The following CLDN1 variants were observed in gnomAD, a reference collection of about 807,000 sequenced individuals.
The protein encoded by CLDN1 is claudin 1.
CLDN1 carries 12 observed loss-of-function variants against 22.6 expected under a neutral mutation model. That is an observed-to-expected ratio of 0.53 (90% CI 0.34 to 0.86). CLDN1 has a LOEUF of 0.86. Among genes scored for constraint, CLDN1 ranks in the 40% least tolerant of loss-of-function variants. The pLI is 0.02. For missense variants in CLDN1, 250 were observed against 269.5 expected (o/e 0.93, Z 0.51); for synonymous variants, 99 against 103.8 (o/e 0.95, Z 0.28).
intron 1 of CLDN1, among the ~76,000 whole-genome samples, chr3:190,315,895 A>G (rs1035906563): frequency 6.6e-6 from 1 of 152,192 alleles, no homozygotes; most frequent in African/African-American, 2.4e-5. Context: ...TCTCCCAGGC[A>G]AGGAACACAT....
Position 190,317,721 on chromosome 3 carries a change from T to C in CLDN1, c.223+4263A>G, listed in dbSNP as rs145330615. Among the ~76,000 whole-genome samples the C allele has an allele frequency of 6.5e-3, 985 of 152,332 alleles. 14 individuals are homozygous for C. Among genetic ancestry groups the C allele is most frequent in the African/African-American group, 0.023 (956 of 41,576 alleles). On this transcript the variant is annotated intron_variant, in intron 1 of 3. Transcript: ENST00000295522. ...GTAACTAAATCTGCACATGCTCAAG[T>C]CCTACAGTTGATCCTGTGGAAGCCT...
At chr3:190,312,830 G>T in intron 2 of CLDN1, 42 bp downstream of exon 2, 1 of 1,604,782 alleles carries the variant, frequency 6.2e-7, no homozygotes, top group Non-Finnish European at 8.5e-7. Context: ...ATCATACCAG[G>T]AACAGGTTAG....
chr3:190,311,276 GCACTTCATA>G (rs1035202430), intron 2 of CLDN1, among the ~76,000 whole-genome samples: 1 of 152,166 alleles, frequency 6.6e-6, no homozygotes, highest in African/African-American at 2.4e-5. Context: ...CGTCTTCCAA[GCACTTCATA>G]CACTTCATGC....
intron 2 of CLDN1, among the ~76,000 whole-genome samples, chr3:190,311,321 C>T (rs961903329): frequency 5.3e-5 from 8 of 152,162 alleles, no homozygotes; most frequent in Non-Finnish European, 8.8e-5. Context: ...GATTACTATT[C>T]GCAGCCTTTG....
rs911023397 is a variant in CLDN1 at position 190,305,784 on chromosome 3, C to A, written c.*2493G>T. ...TTCCTATTATAAAACCCCAAAATGT[C>A]TATTGGTCTGTTTCCAGGTGTGGTA... On this transcript the variant is annotated 3_prime_UTR_variant, in exon 4 of 4. Coordinates refer to ENST00000295522, the MANE Select transcript of CLDN1 (RefSeq NM_021101.5). 1 of 152,260 alleles carries A rather than the reference C, an allele frequency of 6.6e-6. No homozygotes were observed. Among genetic ancestry groups the A allele is most frequent in the Non-Finnish European group, 1.5e-5 (1 of 68,008 alleles). The allele number at this position is 152,260 out of a possible 1,614,324, so 9.4% of individuals were successfully genotyped here. A position where few individuals can be genotyped will look rare whatever the true frequency, so the allele number is the denominator to read the frequency against.
intron 1 of CLDN1, among the ~76,000 whole-genome samples, chr3:190,314,374 A>G (rs941229129): frequency 1.1e-4 from 17 of 152,158 alleles, no homozygotes; most frequent in Non-Finnish European, 2.4e-4. Context: ...CAGGCAATCT[A>G]TGATAAAATT....
chr3:190,313,078 C>A, intron 1 of CLDN1, 42 bp from the exon 2 acceptor site: 5 of 1,611,232 alleles, frequency 3.1e-6, no homozygotes, highest in Non-Finnish European at 4.2e-6. Flanking sequence ...TATGCTTGGA[C>A]CAACAAGAGA....
chr3:190,310,655 T>C (rs1716589692), intron 2 of CLDN1, among the ~76,000 whole-genome samples: 1 of 152,248 alleles, frequency 6.6e-6, no homozygotes. Context: ...AAAACTCTTC[T>C]ATGTTCTTGA....
chr3:190,311,318 A>G (rs1716611092), intron 2 of CLDN1, among the ~76,000 whole-genome samples: 1 of 152,212 alleles, frequency 6.6e-6, no homozygotes, highest in Non-Finnish European at 1.5e-5. Flanking sequence ...AAAGATTACT[A>G]TTCGCAGCCT....
chr3:190,322,216 G>A lies in CLDN1; in HGVS notation c.-10C>T, dbSNP rs761296860. 1 of 1,612,622 alleles carries A rather than the reference G, an allele frequency of 6.2e-7. No homozygotes were observed. Among genetic ancestry groups the A allele is most frequent in the African/African-American group, 1.3e-5 (1 of 74,914 alleles). On this transcript the variant is annotated 5_prime_UTR_variant, in exon 1 of 4. Transcript: ENST00000295522. Reference sequence around the variant, plus strand: ...GCCCCGCGTTGGCCATGACTCGCTCGGGCGCCCGCGCTGGCTCAGGGGTGG... The same window carrying A: ...GCCCCGCGTTGGCCATGACTCGCTCAGGCGCCCGCGCTGGCTCAGGGGTGG...
chr3:190,320,365 C>T (rs535150466), intron 1 of CLDN1, among the ~76,000 whole-genome samples: 2 of 152,280 alleles, frequency 1.3e-5, no homozygotes, highest in African/African-American at 4.8e-5. Flanking sequence ...AACGTGGTAC[C>T]TAAAATGCCT....
chr3:190,320,636 G>T (rs1384184595), intron 1 of CLDN1, among the ~76,000 whole-genome samples: 2 of 152,140 alleles, frequency 1.3e-5, no homozygotes, highest in Admixed American at 1.3e-4. Flanking sequence ...TTTGGAACAG[G>T]TTTAATAACT....
Position 190,313,019 on chromosome 3 carries a change from G to A in CLDN1, c.241C>T (p.Arg81Cys), listed in dbSNP as rs1356985128. The A allele has an allele frequency of 4.3e-6, 7 of 1,613,980 alleles. No individual in the cohort carries two copies. The highest frequency in any genetic ancestry group is 2.2e-5 in the East Asian group (1 of 44,894). The stretch of plus-strand genomic sequence containing the variant: ...AGGATGCCAACCACCATCAAGGCAC[G>A]GGTTGCTTGCAATGTGCCTGGCAGA... ...LNLSSTLQATRALMVVGILLG... is the reference protein window; with the variant it reads ...LNLSSTLQATCALMVVGILLG... The change falls in exon 2 of 4, where the codon CGT (arginine) becomes TGT (cysteine). Residue 81 changes from arginine to cysteine, a missense_variant. By Grantham distance (180) the Arg-to-Cys change is radical. Transcript: ENST00000295522.
chr3:190,310,313 A>C, intron 2 of CLDN1, 60 bp from the exon 3 acceptor site: 1 of 1,237,092 alleles, frequency 8.1e-7, no homozygotes, highest in Non-Finnish European at 1.2e-6. Context: ...CTAAATACAC[A>C]ACCTGTTAAA....
intron 1 of CLDN1, 27 bp from the exon 2 acceptor site, chr3:190,313,063 A>G (rs533494692): frequency 1.2e-6 from 2 of 1,613,800 alleles, no homozygotes; most frequent in East Asian, 2.2e-5. Flanking sequence ...TAAAACATGT[A>G]AAAATATGCT....
At chr3:190,315,472 A>G (rs1302794852) in intron 1 of CLDN1, among the ~76,000 whole-genome samples, 1 of 152,180 alleles carries the variant, frequency 6.6e-6, no homozygotes, top group African/African-American at 2.4e-5. Flanking sequence ...GATGGATTCT[A>G]TTCTAAGTAT....
chr3:190,319,076 G>A (rs1716848907), intron 1 of CLDN1, among the ~76,000 whole-genome samples: 1 of 152,074 alleles, frequency 6.6e-6, no homozygotes, highest in East Asian at 1.9e-4. Flanking sequence ...TTCTCTGCTT[G>A]CACACCTCCC....
Position 190,313,047 on chromosome 3 carries a change from A to G in CLDN1, c.224-11T>C. The G allele has an allele frequency of 6.2e-7, 1 of 1,614,126 alleles. No homozygotes were observed. Among genetic ancestry groups the G allele is most frequent in the Non-Finnish European group, 8.5e-7 (1 of 1,179,998 alleles). On this transcript the variant is annotated splice_polypyrimidine_tract_variant and intron_variant, in intron 1 of 3. Coordinates refer to ENST00000295522, the MANE Select transcript of CLDN1 (RefSeq NM_021101.5). ...TTGCTTGCAATGTGCCTGGCAGAAA[A>G]CATTTTAAAACATGTAAAAATATGC...
chr3:190,310,285 C>T, intron 2 of CLDN1, 32 bp from the exon 3 acceptor site: 2 of 1,522,858 alleles, frequency 1.3e-6, no homozygotes, highest in Non-Finnish European at 1.8e-6. Context: ...GACTGTTAAT[C>T]ACCATGGAAC....
Sources: allele counts gnomAD v4.1 joint callset (sites outside exome capture counted in the v4.1 genomes callset), GRCh38; gene constraint gnomAD v4.1.1; transcripts MANE v1.5; gene names NCBI Gene and HGNC (gene_info 2026-07-23, HGNC 2026-07-21).